IL6R: variants seen among roughly 807,000 people sequenced by gnomAD.
IL6R encodes interleukin-6 receptor subunit alpha.
Under a neutral mutation model 48.3 loss-of-function variants are expected in IL6R, and 38 were observed. That is an observed-to-expected ratio of 0.79 (90% CI 0.61 to 1.03). IL6R has a LOEUF of 1.03. IL6R is among the 50% of genes least tolerant of loss of function. The probability of loss-of-function intolerance (pLI) is 0.00; values close to 1 mark genes in which losing one functional copy is unlikely to be tolerated. For missense variants in IL6R, 534 were observed against 618.3 expected (o/e 0.86, Z 1.45); for synonymous variants, 264 against 256.2 (o/e 1.03, Z -0.29).
chr1:154,432,952 C>G (rs1009787657), intron 3 of IL6R, among the ~76,000 whole-genome samples: 4 of 152,216 alleles, frequency 2.6e-5, no homozygotes, highest in Non-Finnish European at 5.9e-5. Context: ...CACACCCTTG[C>G]CCAACTGCAG....
rs1442868314 is a variant in IL6R at position 154,405,447 on chromosome 1, G to A, written c.-183G>A. The A allele has an allele frequency of 1.1e-5, 6 of 558,664 alleles. No homozygotes were observed. The South Asian group carries it at 1.1e-4, about 11-fold the overall frequency. 34.6% of individuals were successfully genotyped at this position (558,664 alleles called of 1,614,324 possible). A position where few individuals can be genotyped will look rare whatever the true frequency, so the allele number is the denominator to read the frequency against. On this transcript the variant is annotated 5_prime_UTR_variant, in exon 1 of 10. Coordinates refer to ENST00000368485, the MANE Select transcript of IL6R (RefSeq NM_000565.4). The surrounding 1 kb of genome is among the most constrained non-coding windows in gnomAD (Gnocchi z 5.2). ...GCCAGAGGGAGAGGAGCCGAGCGCG[G>A]CGCGGGGCCGAGGGACTCGCAGTGT...
At chr1:154,449,085 C>T (rs575860888) in intron 7 of IL6R, among the ~76,000 whole-genome samples, 1 of 145,652 alleles carries the variant, frequency 6.9e-6, no homozygotes, top group African/African-American at 2.5e-5. Flanking sequence ...TTAGTAGAGA[C>T]GGGGTTTCAC....
At chr1:154,452,101 C>G (rs1045450127) in intron 8 of IL6R, among the ~76,000 whole-genome samples, 5 of 152,166 alleles carry the variant, frequency 3.3e-5, no homozygotes, top group Admixed American at 3.3e-4. Context: ...CCTGCCGCCT[C>G]TCATCCAGCA....
At position 154,468,586 on chromosome 1, in the gene IL6R, C is replaced by T. The variant is rs997015730; in HGVS notation, c.*3206C>T. 6.6e-6 allele frequency: 1 copy of T among 152,230 alleles called. No individual in the cohort carries two copies. Among genetic ancestry groups the T allele is most frequent in the African/African-American group, 2.4e-5 (1 of 41,462 alleles). The allele number at this position is 152,230 out of a possible 1,614,324, so 9.4% of individuals were successfully genotyped here. On this transcript the variant is annotated 3_prime_UTR_variant, in exon 10 of 10. Coordinates refer to ENST00000368485, the MANE Select transcript of IL6R (RefSeq NM_000565.4). ...GGACTTGCCCTTACGCTTTCTTTAT[C>T]AGGCTCTGAGTTCACACGGAGCCTC...
Position 154,405,755 on chromosome 1 carries a change from C to A in IL6R, c.85+41C>A. On this transcript the variant is annotated intron_variant, in intron 1 of 9. Transcript: ENST00000368485. This position sits in a 1 kb window ranked among gnomAD's most constrained non-coding sequence, Gnocchi z 5.2. The stretch of plus-strand genomic sequence containing the variant: ...GCACCTGGAGGGCTGGGGCAGCTAG[C>A]GGCTGGGGGAAACCGCCTTGGTCAC... 2.2e-6 allele frequency: 3 copies of A among 1,368,284 alleles called. No homozygotes were observed. Among genetic ancestry groups the A allele is most frequent in the Non-Finnish European group, 2.9e-6 (3 of 1,051,802 alleles). 84.8% of individuals were successfully genotyped at this position (1,368,284 alleles called of 1,614,324 possible).
chr1:154,421,887 C>T (rs1205036038), intron 1 of IL6R, among the ~76,000 whole-genome samples: 4 of 152,156 alleles, frequency 2.6e-5, no homozygotes, highest in African/African-American at 7.2e-5. Context: ...TCCCAATGTG[C>T]TGGGATGACA....
At chr1:154,415,939 T>C (rs895442285) in intron 1 of IL6R, among the ~76,000 whole-genome samples, 1 of 152,034 alleles carries the variant, frequency 6.6e-6, no homozygotes, top group Middle Eastern at 3.2e-3. Flanking sequence ...CACTCCAGCC[T>C]GGGCGACAAG....
chr1:154,407,221 G>A lies in IL6R; in HGVS notation c.85+1507G>A, dbSNP rs766676535. 1.2e-3 allele frequency among the ~76,000 whole-genome samples: 186 copies of A among 152,326 alleles called. 3 individuals carry two copies. Among genetic ancestry groups the A allele is most frequent in the South Asian group, 8.3e-4 (4 of 4,826 alleles). ...GGATGCAAGACAGGTTCCAGGGCTC[G>A]GATGGCCTCAGGAGCAAGCAGGGCT... On this transcript the variant is annotated intron_variant, in intron 1 of 9. Coordinates refer to ENST00000368485, the MANE Select transcript of IL6R (RefSeq NM_000565.4).
chr1:154,465,503 A>G lies in IL6R; in HGVS notation c.*123A>G. On this transcript the variant is annotated 3_prime_UTR_variant, in exon 10 of 10. Coordinates refer to ENST00000368485, the MANE Select transcript of IL6R (RefSeq NM_000565.4). ...GGGTGTGCGGCCTTTGGCTTCACGGAAGAGCCTTGCGGAAGGTTCTACGCC... is the reference window on the plus strand; with the variant it reads ...GGGTGTGCGGCCTTTGGCTTCACGGGAGAGCCTTGCGGAAGGTTCTACGCC... 8.6e-7 allele frequency: 1 copy of G among 1,163,492 alleles called. No homozygotes were observed. The highest frequency in any genetic ancestry group is 1.2e-6 in the Non-Finnish European group (1 of 804,354). 72.1% of individuals were successfully genotyped at this position (1,163,492 alleles called of 1,614,324 possible).
At chr1:154,420,625 T>C (rs529803363) in intron 1 of IL6R, among the ~76,000 whole-genome samples, 56 of 151,890 alleles carry the variant, frequency 3.7e-4, no homozygotes, top group Admixed American at 6.6e-4. Context: ...AGCCTCTGCC[T>C]CCCGGATTCA....
At chr1:154,406,389 C>A (rs1023040233) in intron 1 of IL6R, 2 of 152,270 alleles carry the variant, frequency 1.3e-5, no homozygotes, top group African/African-American at 2.4e-5. Flanking sequence ...GTGCTGGACT[C>A]CCCTCTAGAA....
rs752529533 is a variant in IL6R, at chr1:154,435,069, C to T, written c.720C>T (p.Asp240=). 1.2e-6 allele frequency: 2 copies of T among 1,614,078 alleles called. No individual in the cohort carries two copies. Among genetic ancestry groups the T allele is most frequent in the Non-Finnish European group, 1.7e-6 (2 of 1,179,926 alleles). Reference sequence around the variant, plus strand: ...GCTGGCTCAGTGTCACCTGGCAAGACCCCCACTCCTGGAACTCATCTTTCT... The same window carrying T: ...GCTGGCTCAGTGTCACCTGGCAAGATCCCCACTCCTGGAACTCATCTTTCT... ...NPRWLSVTWQ[D]PHSWNSSFYR... is the part of the protein sequence containing the mutation. The change falls in exon 5 of 10, where the codon GAC becomes GAT. Residue 240 remains aspartate (D), a synonymous_variant. Transcript: ENST00000368485.
chr1:154,408,982 A>T (rs886968789), intron 1 of IL6R, among the ~76,000 whole-genome samples: 1 of 152,106 alleles, frequency 6.6e-6, no homozygotes, highest in Non-Finnish European at 1.5e-5. Context: ...CCGTCTCTAC[A>T]AAAAGATTTA....
chr1:154,449,473 A>G (rs1690462436), intron 7 of IL6R, among the ~76,000 whole-genome samples: 1 of 152,134 alleles, frequency 6.6e-6, no homozygotes, highest in South Asian at 2.1e-4. Flanking sequence ...AGATCATGCC[A>G]TTGCACTCCA....
At chr1:154,454,938 A>G (rs1200480306) in intron 9 of IL6R, among the ~76,000 whole-genome samples, 2 of 152,016 alleles carry the variant, frequency 1.3e-5, no homozygotes, top group Admixed American at 6.6e-5. Flanking sequence ...TTGAGTCAGC[A>G]TCTCACTCTG....
rs1200360993 is a variant in IL6R at position 154,467,948 on chromosome 1, C to T, written c.*2568C>T. On this transcript the variant is annotated 3_prime_UTR_variant, in exon 10 of 10. Transcript: ENST00000368485. ...TACCCACATGTGGTGTTACCAAAGCCGGGCAGAACCATGCTAGCGGAAGAT... is the reference window on the plus strand; with the variant it reads ...TACCCACATGTGGTGTTACCAAAGCTGGGCAGAACCATGCTAGCGGAAGAT... The T allele has an allele frequency of 2.6e-5, 4 of 152,158 alleles. No homozygotes were observed. The highest frequency in any genetic ancestry group is 3.8e-4 in the East Asian group (2 of 5,202). The allele number at this position is 152,158 out of a possible 1,614,324, so 9.4% of individuals were successfully genotyped here.
At position 154,429,351 on chromosome 1, in the gene IL6R, C is replaced by T. The variant is rs199686914; in HGVS notation, c.241C>T (p.Leu81=). 9 of 1,614,128 alleles carry T rather than the reference C, an allele frequency of 5.6e-6. No individual in the cohort carries two copies. The highest frequency in any genetic ancestry group is 1.7e-5 in the Admixed American group (1 of 60,014). The change falls in exon 2 of 10, where the codon CTG becomes TTG. Residue 81 remains leucine, a synonymous_variant. Transcript: ENST00000368485. ...PSRWAGMGRR[L]LLRSVQLHDS... is the part of the protein sequence containing the mutation. ...CAGATGGGCTGGCATGGGAAGGAGG[C>T]TGCTGCTGAGGTCGGTGCAGCTCCA...
chr1:154,417,736 ATTT>A (rs34478341), intron 1 of IL6R, among the ~76,000 whole-genome samples: 1,250 of 109,080 alleles, frequency 0.011, 18 homozygotes, highest in African/African-American at 0.031. Context: ...TGCCCAGCTA[ATTT>A]TTTTTTTTTT....
At chr1:154,442,111 AG>A (rs1264184067) in intron 6 of IL6R, among the ~76,000 whole-genome samples, 9 of 152,058 alleles carry the variant, frequency 5.9e-5, no homozygotes, top group Non-Finnish European at 1.2e-4. Flanking sequence ...TGGAATCTGG[AG>A]GAGGAAGTAG....
Sources: allele counts gnomAD v4.1 joint callset (sites outside exome capture counted in the v4.1 genomes callset), GRCh38; gene constraint gnomAD v4.1.1; non-coding constraint Gnocchi (gnomAD v3.1); transcripts MANE v1.5; gene names NCBI Gene and HGNC (gene_info 2026-07-23, HGNC 2026-07-21).